Variants in ZSCAN25 observed in about 807,000 individuals in gnomAD.
ZSCAN25 encodes zinc finger and SCAN domain-containing protein 25.
Under a neutral mutation model 38.7 loss-of-function variants are expected in ZSCAN25, and 27 were observed. The ratio of observed to expected loss-of-function variants is 0.70; its 90% CI spans 0.51 to 0.96. The LOEUF (loss-of-function observed/expected upper bound fraction) is 0.96, where lower values mean the gene tolerates loss of function less well. Among genes scored for constraint, ZSCAN25 ranks in the 40% least tolerant of loss-of-function variants. The pLI is 0.00. For missense variants in ZSCAN25, 637 were observed against 705.9 expected, an observed-to-expected ratio of 0.90 and a Z score of 1.11; for synonymous variants, 273 against 277.7, an observed-to-expected ratio of 0.98 and a Z score of 0.17.
chr7:99,724,040 TACCACCTTCCCTGGGTGGCAAGC>T, the ZSCAN25 span, among the ~76,000 whole-genome samples: 11 of 151,926 alleles, frequency 7.2e-5, no homozygotes, highest in Non-Finnish European at 1.3e-4. Flanking sequence ...GGGTGGCAAG[TACCACCTTCCCTGGGTGGCAAGC>T]ACCACCTTCC....
the ZSCAN25 span, among the ~76,000 whole-genome samples, chr7:99,729,386 G>A: frequency 3.3e-5 from 5 of 152,000 alleles, no homozygotes; most frequent in East Asian, 1.9e-4. Context: ...CCATAATCCC[G>A]CTTGAAGCAG....
intron 3 of ZSCAN25, 135 bp downstream of exon 3, chr7:99,619,267 C>T (rs1806719759): frequency 9.7e-6 from 2 of 205,980 alleles, no homozygotes; most frequent in Non-Finnish European, 2.0e-5. Context: ...GTGACTCACC[C>T]AGTTATAACC....
At chr7:99,634,812 C>A (rs973982774), downstream of ZSCAN25, among the ~76,000 whole-genome samples, 19 of 150,726 alleles carry the variant, frequency 1.3e-4, no homozygotes, top group African/African-American at 3.9e-4. Context: ...CAAAACAAAA[C>A]AAAATTAGCC....
chr7:99,698,485 C>T, the ZSCAN25 span, among the ~76,000 whole-genome samples: 3 of 152,168 alleles, frequency 2.0e-5, no homozygotes, highest in African/African-American at 2.4e-5. Flanking sequence ...CACTAGCTCA[C>T]AGTATTGCTT....
the ZSCAN25 span, among the ~76,000 whole-genome samples, chr7:99,731,546 A>G: frequency 6.6e-6 from 1 of 152,190 alleles, no homozygotes. Context: ...AGAAAGAGTG[A>G]CAATTTTTCT....
chr7:99,631,276 C>A lies in ZSCAN25; in HGVS notation c.*1256C>A. 2 of 985,386 alleles carry A rather than the reference C, an allele frequency of 2.0e-6. No homozygotes were observed. Among genetic ancestry groups the A allele is most frequent in the Non-Finnish European group, 2.4e-6 (2 of 829,928 alleles). 61.0% of individuals were successfully genotyped at this position (985,386 alleles called of 1,614,324 possible). ...CAAGGCACTAGGGGTCCTGGACACC[C>A]ACTGGGGATGATGAGCTGGTAGCGA... On this transcript the variant is annotated 3_prime_UTR_variant, in exon 8 of 8. Coordinates refer to ENST00000394152, the MANE Select transcript of ZSCAN25 (RefSeq NM_145115.3).
the ZSCAN25 span, among the ~76,000 whole-genome samples, chr7:99,680,775 A>G: frequency 3.9e-5 from 6 of 152,322 alleles, no homozygotes; most frequent in East Asian, 3.9e-4. Flanking sequence ...AAAGGAAAAT[A>G]ATAGAAATCA....
the ZSCAN25 span, chr7:99,638,726 T>C: frequency 7.8e-7 from 1 of 1,275,418 alleles, no homozygotes; most frequent in African/African-American, 1.5e-5. Flanking sequence ...AGGATCCACA[T>C]TTCCTTGTTC....
At chr7:99,628,752 T>TGC (rs949796490) in intron 7 of ZSCAN25, among the ~76,000 whole-genome samples, 1 of 152,208 alleles carries the variant, frequency 6.6e-6, no homozygotes, top group African/African-American at 2.4e-5. Flanking sequence ...TGCTGCCCTG[T>TGC]GCTACAGCAG....
chr7:99,690,419 T>C, the ZSCAN25 span, among the ~76,000 whole-genome samples: 1 of 152,104 alleles, frequency 6.6e-6, no homozygotes, highest in African/African-American at 2.4e-5. Context: ...CCAAAAGCAA[T>C]GGCAACAAAA....
the ZSCAN25 span, among the ~76,000 whole-genome samples, chr7:99,697,066 T>C: frequency 0.013 from 2,025 of 152,320 alleles, 35 homozygotes; most frequent in African/African-American, 0.047. Flanking sequence ...AAATCTCTTT[T>C]ATTTATAAAT....
the ZSCAN25 span, chr7:99,695,889 A>G: frequency 5.2e-6 from 8 of 1,533,212 alleles, no homozygotes; most frequent in Non-Finnish European, 6.3e-6. Flanking sequence ...CTTTATAGAT[A>G]TGGGGGCTGG....
chr7:99,665,604 A>G, the ZSCAN25 span, among the ~76,000 whole-genome samples: 5 of 152,366 alleles, frequency 3.3e-5, no homozygotes, highest in South Asian at 6.2e-4. Flanking sequence ...AGACAACTAC[A>G]GTAGCATGTG....
the ZSCAN25 span, among the ~76,000 whole-genome samples, chr7:99,687,188 G>T: frequency 6.6e-6 from 1 of 152,238 alleles, no homozygotes; most frequent in South Asian, 2.1e-4. Flanking sequence ...ACTTTGGCAA[G>T]TTGAGAGAAG....
chr7:99,673,171 C>A, the ZSCAN25 span, among the ~76,000 whole-genome samples: 1 of 152,244 alleles, frequency 6.6e-6, no homozygotes, highest in Non-Finnish European at 1.5e-5. Context: ...GCTGTGTCAT[C>A]TGTCTACTAA....
At chr7:99,683,927 A>G in the ZSCAN25 span, among the ~76,000 whole-genome samples, 1 of 152,190 alleles carries the variant, frequency 6.6e-6, no homozygotes, top group African/African-American at 2.4e-5. Context: ...GTGGGAACAG[A>G]CAAGGAATGA....
At chr7:99,678,441 A>G in the ZSCAN25 span, among the ~76,000 whole-genome samples, 54 of 152,374 alleles carry the variant, frequency 3.5e-4, no homozygotes, top group African/African-American at 1.3e-3. Context: ...ACAATCTGCT[A>G]AGCAGGTATA....
chr7:99,639,802 G>A, the ZSCAN25 span, among the ~76,000 whole-genome samples: 5 of 152,088 alleles, frequency 3.3e-5, no homozygotes, highest in Admixed American at 1.3e-4. Flanking sequence ...GCAGTAGCTC[G>A]CGTCTGTAAT....
the ZSCAN25 span, among the ~76,000 whole-genome samples, chr7:99,667,396 G>T: frequency 5.9e-5 from 9 of 152,192 alleles, no homozygotes; most frequent in African/African-American, 1.9e-4. Context: ...CCTTCCCCAG[G>T]AGTGTGCAGA....
Sources: allele counts gnomAD v4.1 joint callset (sites outside exome capture counted in the v4.1 genomes callset), GRCh38; gene constraint gnomAD v4.1.1; transcripts MANE v1.5; gene names NCBI Gene and HGNC (gene_info 2026-07-23, HGNC 2026-07-21).